CDC5L: variants seen among roughly 807,000 people sequenced by gnomAD.
CDC5L encodes the protein cell division cycle 5-like protein.
A neutral mutation model predicts 104.1 loss-of-function variants in CDC5L; 18 were observed. The ratio of observed to expected loss-of-function variants is 0.17; its 90% CI spans 0.12 to 0.26. The LOEUF is 0.26. CDC5L is among the 10% of genes least tolerant of loss of function. CDC5L has a pLI of 1.00. For missense variants in CDC5L, 673 were observed against 956.9 expected, an observed-to-expected ratio of 0.70 and a Z score of 3.91; for synonymous variants, 331 against 322.7, an observed-to-expected ratio of 1.03 and a Z score of -0.28.
rs1791449492 is a variant in CDC5L, at chr6:44,407,964, T to C, written c.904-480T>C. The stretch of plus-strand genomic sequence containing the variant: ...TTCTGTGTGATATTTTAATTGGTTT[T>C]CAGTCTTCCTCCTCCAATTTTGTAT... On this transcript the variant is annotated intron_variant, in intron 7 of 15. Coordinates refer to ENST00000371477, the MANE Select transcript of CDC5L (RefSeq NM_001253.4). Among the ~76,000 whole-genome samples, 4 of 152,308 alleles carry C rather than the reference T, an allele frequency of 2.6e-5. No homozygotes were observed. In the South Asian group the frequency reaches 8.3e-4, roughly 32 times the overall value.
At chr6:44,400,797 C>G (rs1343591415) in intron 5 of CDC5L, among the ~76,000 whole-genome samples, 2 of 152,210 alleles carry the variant, frequency 1.3e-5, no homozygotes, top group South Asian at 2.1e-4. Flanking sequence ...GGGCAGCGCT[C>G]TCTTTGACAT....
intron 8 of CDC5L, among the ~76,000 whole-genome samples, chr6:44,414,615 C>T (rs535419359): frequency 8.6e-4 from 130 of 151,660 alleles, no homozygotes; most frequent in Non-Finnish European, 1.5e-3. Context: ...GAATTATATA[C>T]GTGAACCATT....
At chr6:44,417,096 A>C (rs1888671) in intron 8 of CDC5L, among the ~76,000 whole-genome samples, 14,560 of 152,230 alleles carry the variant, frequency 0.096, 1,471 homozygotes, top group East Asian at 0.55. Flanking sequence ...AGGAATTCAG[A>C]CAGGGCACAG....
chr6:44,408,267 G>GTT (rs375757131), intron 7 of CDC5L, among the ~76,000 whole-genome samples, 177 bp from the exon 8 acceptor site: 11 of 138,328 alleles, frequency 8.0e-5, no homozygotes, highest in South Asian at 2.4e-4. Context: ...TAAAATGTTG[G>GTT]TTTTTTTTTT....
intron 2 of CDC5L, among the ~76,000 whole-genome samples, chr6:44,392,152 T>C (rs949269461): frequency 3.9e-5 from 6 of 152,180 alleles, no homozygotes; most frequent in African/African-American, 1.4e-4. Flanking sequence ...AAAGGTGGGC[T>C]GGGTGGGGAA....
At chr6:44,394,062 T>C in intron 4 of CDC5L, among the ~76,000 whole-genome samples, 1 of 152,178 alleles carries the variant, frequency 6.6e-6, no homozygotes, top group East Asian at 1.9e-4. Context: ...ACAGCGCCCC[T>C]TCATCTTCTG....
At chr6:44,410,993 A>T (rs776605499) in intron 8 of CDC5L, among the ~76,000 whole-genome samples, 1 of 150,474 alleles carries the variant, frequency 6.6e-6, no homozygotes, top group African/African-American at 2.4e-5. Context: ...GCTTTTTAAA[A>T]TTTTGTTCAG....
intron 8 of CDC5L, among the ~76,000 whole-genome samples, chr6:44,412,305 C>T (rs537953790): frequency 2.3e-5 from 1 of 43,214 alleles, no homozygotes; most frequent in Admixed American, 4.1e-4. Context: ...AACCTGTCCC[C>T]CACTTTTTTT....
intron 4 of CDC5L, among the ~76,000 whole-genome samples, chr6:44,395,434 C>G (rs1790827009): frequency 6.6e-6 from 1 of 152,214 alleles, no homozygotes; most frequent in Non-Finnish European, 1.5e-5. Flanking sequence ...CACCTATTAG[C>G]TGTTTGACCT....
In CDC5L at chr6:44,447,247, T is replaced by C. The variant is rs1793487579; in HGVS notation, c.*536T>C. On this transcript the variant is annotated 3_prime_UTR_variant, in exon 16 of 16. Coordinates refer to ENST00000371477, the MANE Select transcript of CDC5L (RefSeq NM_001253.4). The stretch of plus-strand genomic sequence containing the variant: ...TTCTGTATACACTGACAAGTTAGAT[T>C]AACTTTTTAGTACCTCAAATTTTTT... 6.6e-6 allele frequency: 1 copy of C among 151,834 alleles called. No homozygotes were observed. The highest frequency in any genetic ancestry group is 2.4e-5 in the African/African-American group (1 of 41,446). 9.4% of individuals were successfully genotyped at this position (151,834 alleles called of 1,614,324 possible).
In CDC5L at chr6:44,427,701, AAACT is replaced by A. The variant is rs1436337153; in HGVS notation, c.1893+981_1893+984del. ...TCATTTTTTAGTAAGTGCAGTAGGG[AAACT>A]AACATCTGTTGAGTTGCCTACTCTG... is the stretch of plus-strand genomic sequence containing the variant. On this transcript the variant is annotated intron_variant, in intron 13 of 15. Transcript: ENST00000371477. 3.3e-5 allele frequency among the ~76,000 whole-genome samples: 5 copies of A among 152,342 alleles called. No homozygotes were observed. The East Asian group carries it at 7.7e-4, about 24-fold the overall frequency.
intron 8 of CDC5L, among the ~76,000 whole-genome samples, chr6:44,411,633 A>AGTGTGTGTGTGTGTGTGTGT (rs780216018): frequency 4.6e-4 from 27 of 58,090 alleles, no homozygotes; most frequent in East Asian, 2.0e-3. Flanking sequence ...AGAGAGAGAG[A>AGTGTGTGTGTGTGTGTGTGT]GAGAGTGTGT....
At position 44,438,061 on chromosome 6, in the gene CDC5L, G is replaced by A. The variant is rs141350034; in HGVS notation, c.2092-7594G>A. On this transcript the variant is annotated intron_variant, in intron 14 of 15. Transcript: ENST00000371477. Reference sequence around the variant, plus strand: ...AACCTCTCAGGCTTGGGTGATTCCCGCCTCAGTCTCCCAAGTAGCTGGAAC... The same window carrying A: ...AACCTCTCAGGCTTGGGTGATTCCCACCTCAGTCTCCCAAGTAGCTGGAAC... Among the ~76,000 whole-genome samples, 848 of 152,176 alleles carry A rather than the reference G, an allele frequency of 5.6e-3. 5 individuals carry two copies. Among genetic ancestry groups the A allele is most frequent in the Non-Finnish European group, 9.5e-3 (643 of 67,996 alleles).
intron 9 of CDC5L, among the ~76,000 whole-genome samples, chr6:44,420,397 T>C (rs1792109575): frequency 1.3e-5 from 2 of 151,946 alleles, no homozygotes; most frequent in South Asian, 4.2e-4. Flanking sequence ...TTGCTTTTCT[T>C]GCCCAGGCTG....
chr6:44,387,770 T>A lies in CDC5L; in HGVS notation c.-54T>A. 2.0e-6 allele frequency: 3 copies of A among 1,500,492 alleles called. No individual in the cohort carries two copies. The highest frequency in any genetic ancestry group is 2.4e-5 in the South Asian group (2 of 82,958). 92.9% of individuals were successfully genotyped at this position (1,500,492 alleles called of 1,614,324 possible). A position where few individuals can be genotyped will look rare whatever the true frequency, so the allele number is the denominator to read the frequency against. The stretch of plus-strand genomic sequence containing the variant: ...TTGAGTCCGGTGGCCCAATCGCTGT[T>A]ACTACTTCTCTGAAGCTCCTCTCGG... On this transcript the variant is annotated 5_prime_UTR_variant, in exon 1 of 16. Transcript: ENST00000371477.
intron 8 of CDC5L, 65 bp downstream of exon 8, chr6:44,408,697 G>A: frequency 8.1e-7 from 1 of 1,236,402 alleles, no homozygotes. Context: ...TATCATGCAG[G>A]AGAACTAAGC....
At chr6:44,444,567 T>TA (rs1477613698) in intron 14 of CDC5L, among the ~76,000 whole-genome samples, 3 of 152,148 alleles carry the variant, frequency 2.0e-5, no homozygotes, top group Non-Finnish European at 4.4e-5. Flanking sequence ...TGATGCAAGT[T>TA]AGAGGCCAGG....
intron 2 of CDC5L, 63 bp downstream of exon 2, chr6:44,390,434 C>G: frequency 9.7e-7 from 1 of 1,029,172 alleles, no homozygotes; most frequent in Admixed American, 2.0e-5. Context: ...TGGAAAATGT[C>G]AACTCTGTGA....
At position 44,404,027 on chromosome 6, in the gene CDC5L, C is replaced by T. The variant is rs749488119; in HGVS notation, c.758C>T (p.Ser253Phe). 46 of 1,599,496 alleles carry T rather than the reference C, an allele frequency of 2.9e-5. No homozygotes were observed. The highest frequency in any genetic ancestry group is 3.3e-4 in the Middle Eastern group (2 of 6,026). Residue 253 changes from serine (S) to phenylalanine (F), a missense_variant and splice_region_variant, in exon 6 of 16, where the codon TCT (serine) becomes TTT (phenylalanine). This residue lies in a region of CDC5L where 578 missense variants were observed against 737.0 expected (regional missense o/e 0.78). Transcript: ENST00000371477. Reference sequence around the variant, plus strand: ...CAGGATCTTGATGGGGAGCTAAGATCGTAAGTTGCCTTTCTGATTTTGGAA... The same window carrying T: ...CAGGATCTTGATGGGGAGCTAAGATTGTAAGTTGCCTTTCTGATTTTGGAA... ...RQQDLDGELR[S>F]EKEGRDRKKD...
Sources: allele counts gnomAD v4.1 joint callset (sites outside exome capture counted in the v4.1 genomes callset), GRCh38; gene constraint gnomAD v4.1.1; regional missense constraint gnomAD v4.1.1; transcripts MANE v1.5; gene names NCBI Gene and HGNC (gene_info 2026-07-23, HGNC 2026-07-21).